Variants in CLSTN2 observed in about 807,000 individuals in gnomAD.
CLSTN2 encodes the protein calsyntenin-2.
Under a neutral mutation model 101.2 loss-of-function variants are expected in CLSTN2, and 48 were observed. The observed-to-expected ratio is 0.47, with a 90% CI of 0.38 to 0.60. The LOEUF (loss-of-function observed/expected upper bound fraction) is 0.60, where lower values mean the gene tolerates loss of function less well. Ranked by LOEUF, CLSTN2 falls within the 20% of genes least tolerant of loss-of-function variation. The pLI, the probability that CLSTN2 is intolerant of heterozygous loss-of-function variation, is 0.00. For synonymous variants in CLSTN2, 481 were observed against 463.6 expected, an observed-to-expected ratio of 1.04 and a Z score of -0.48; for missense variants, 1,160 against 1,238.2, an observed-to-expected ratio of 0.94 and a Z score of 0.95.
intron 1 of CLSTN2, among the ~76,000 whole-genome samples, chr3:140,124,217 A>G (rs947701496): frequency 1.3e-5 from 2 of 152,274 alleles, no homozygotes; most frequent in Non-Finnish European, 2.9e-5. Flanking sequence ...ATAGAAGCCT[A>G]GTATGGTTGT....
intron 1 of CLSTN2, among the ~76,000 whole-genome samples, chr3:140,017,171 G>A (rs991309071): frequency 2.0e-5 from 3 of 152,190 alleles, no homozygotes; most frequent in Non-Finnish European, 2.9e-5. Flanking sequence ...AGTCCTATTA[G>A]TGTGCTCTCA....
intron 1 of CLSTN2, among the ~76,000 whole-genome samples, chr3:140,122,803 A>C (rs1221555344): frequency 6.6e-6 from 1 of 152,148 alleles, no homozygotes; most frequent in Admixed American, 6.5e-5. Context: ...TGGGCTATAT[A>C]GTTGCGGTCA....
At chr3:140,295,374 A>G (rs954624340) in intron 2 of CLSTN2, among the ~76,000 whole-genome samples, 4 of 152,124 alleles carry the variant, frequency 2.6e-5, no homozygotes, top group Non-Finnish European at 5.9e-5. Flanking sequence ...CCTTGGTTTT[A>G]AAATGCACCT....
At chr3:140,290,087 T>C (rs2086934136) in intron 2 of CLSTN2, among the ~76,000 whole-genome samples, 2 of 151,842 alleles carry the variant, frequency 1.3e-5, no homozygotes, top group African/African-American at 4.8e-5. Flanking sequence ...TTTAGTGCTC[T>C]GATTTTGCTA....
At chr3:140,550,886 C>T (rs1935688416) in intron 10 of CLSTN2, among the ~76,000 whole-genome samples, 1 of 151,242 alleles carries the variant, frequency 6.6e-6, no homozygotes, top group Admixed American at 6.6e-5. Context: ...AACCAAGCCA[C>T]TGCAAATGAT....
At chr3:140,350,766 AG>A (rs1224144254) in intron 2 of CLSTN2, among the ~76,000 whole-genome samples, 1 of 151,874 alleles carries the variant, frequency 6.6e-6, no homozygotes, top group African/African-American at 2.4e-5. Flanking sequence ...CTTTGACCCC[AG>A]GTTACTGAAG....
chr3:140,107,676 A>C (rs544253594), intron 1 of CLSTN2, among the ~76,000 whole-genome samples: 1 of 152,180 alleles, frequency 6.6e-6, no homozygotes, highest in Admixed American at 6.5e-5. Flanking sequence ...GCAGTCCATA[A>C]AGTCCACAGG....
At chr3:140,269,001 A>T (rs1559824361) in intron 2 of CLSTN2, among the ~76,000 whole-genome samples, 1 of 152,142 alleles carries the variant, frequency 6.6e-6, no homozygotes, top group Non-Finnish European at 1.5e-5. Context: ...TTATTAATTG[A>T]TCAGGGACGT....
intron 2 of CLSTN2, among the ~76,000 whole-genome samples, chr3:140,362,060 C>T (rs1559848728): frequency 1.3e-5 from 2 of 152,122 alleles, no homozygotes; most frequent in Admixed American, 6.6e-5. Flanking sequence ...TTTGTGATTT[C>T]AAAACTTGCT....
At chr3:140,435,375 A>G (rs1252380417) in intron 5 of CLSTN2, among the ~76,000 whole-genome samples, 2 of 152,192 alleles carry the variant, frequency 1.3e-5, no homozygotes, top group African/African-American at 4.8e-5. Context: ...AGTTCCATCC[A>G]TGCTGTTGCA....
At chr3:140,509,476 T>C (rs923539720) in intron 8 of CLSTN2, among the ~76,000 whole-genome samples, 2 of 152,166 alleles carry the variant, frequency 1.3e-5, no homozygotes, top group African/African-American at 4.8e-5. Context: ...AGAACCACTG[T>C]TCTGAGGCAT....
intron 1 of CLSTN2, among the ~76,000 whole-genome samples, chr3:140,071,828 C>T (rs10935369): frequency 0.22 from 28,089 of 126,706 alleles, 3,153 homozygotes; most frequent in East Asian, 0.49. Context: ...GAGACTCCGT[C>T]TAAAAAATAA....
intron 6 of CLSTN2, among the ~76,000 whole-genome samples, chr3:140,454,057 C>T (rs949830742): frequency 1.3e-5 from 2 of 152,184 alleles, no homozygotes; most frequent in African/African-American, 4.8e-5. Flanking sequence ...TGAAGTGGGC[C>T]TTTTACTTTA....
chr3:139,999,788 C>T (rs11712956), intron 1 of CLSTN2, among the ~76,000 whole-genome samples: 46,943 of 151,784 alleles, frequency 0.31, 9,012 homozygotes, highest in Non-Finnish European at 0.43. Context: ...GTTTCATTTG[C>T]TGTGTGAATT....
intron 1 of CLSTN2, among the ~76,000 whole-genome samples, chr3:140,062,042 T>C (rs1014219624): frequency 3.3e-5 from 5 of 152,158 alleles, no homozygotes; most frequent in African/African-American, 1.2e-4. Context: ...AGTATTAATA[T>C]TAATAGTGGT....
At chr3:140,311,472 ATTTTTTTTTT>A (rs1241981397) in intron 2 of CLSTN2, among the ~76,000 whole-genome samples, 1 of 129,700 alleles carries the variant, frequency 7.7e-6, no homozygotes, top group Non-Finnish European at 1.6e-5. Context: ...TGCCTGGCTA[ATTTTTTTTTT>A]TTTTTTTTAA....
intron 2 of CLSTN2, among the ~76,000 whole-genome samples, chr3:140,308,057 A>G (rs540361025): frequency 6.6e-6 from 1 of 152,214 alleles, no homozygotes; most frequent in South Asian, 2.1e-4. Flanking sequence ...TCCCCACCCC[A>G]TGATAGACCC....
rs576215590 is a variant in CLSTN2 at position 140,145,638 on chromosome 3, C to A, written c.110-30313C>A. 1.2e-3 allele frequency among the ~76,000 whole-genome samples: 187 copies of A among 152,360 alleles called. 1 individual carries two copies. The highest frequency in any genetic ancestry group is 4.4e-3 in the African/African-American group (183 of 41,578). ...GCCAAGGCTTGTTGTGCTTAAGCAG[C>A]ACCTCTGCCCAGGGCTGCTCCTGCA... On this transcript the variant is annotated intron_variant, in intron 1 of 16. Coordinates refer to ENST00000458420, the MANE Select transcript of CLSTN2 (RefSeq NM_022131.3).
chr3:140,153,674 G>T (rs147034602), intron 1 of CLSTN2, among the ~76,000 whole-genome samples: 1 of 152,230 alleles, frequency 6.6e-6, no homozygotes, highest in Non-Finnish European at 1.5e-5. Flanking sequence ...TGAGGGTAAA[G>T]GGCCTTGGGA....
Sources: allele counts gnomAD v4.1 joint callset (sites outside exome capture counted in the v4.1 genomes callset), GRCh38; gene constraint gnomAD v4.1.1; transcripts MANE v1.5; gene names NCBI Gene and HGNC (gene_info 2026-07-23, HGNC 2026-07-21).